GRIN2A: variants seen among roughly 807,000 people sequenced by gnomAD.
GRIN2A encodes glutamate receptor ionotropic, NMDA 2A.
A neutral mutation model predicts 113.4 loss-of-function variants in GRIN2A; 22 were observed. That is an observed-to-expected ratio of 0.19 (90% CI 0.14 to 0.28). The LOEUF (loss-of-function observed/expected upper bound fraction) is 0.28, where lower values mean the gene tolerates loss of function less well. GRIN2A is among the 10% of genes least tolerant of loss of function. GRIN2A has a pLI of 1.00. For synonymous variants in GRIN2A, 827 were observed against 738.4 expected, an observed-to-expected ratio of 1.12 and a Z score of -1.94; for missense variants, 1,502 against 1,887.0, an observed-to-expected ratio of 0.80 and a Z score of 3.78.
chr16:9,988,137 T>C lies in GRIN2A; in HGVS notation c.415-49586A>G, dbSNP rs532498012. Among the ~76,000 whole-genome samples the C allele has an allele frequency of 3.3e-5, 5 of 152,164 alleles. No homozygotes were observed. In the South Asian group the frequency reaches 1.0e-3, roughly 32 times the overall value. On this transcript the variant is annotated intron_variant, in intron 2 of 12. Coordinates refer to ENST00000330684, the MANE Select transcript of GRIN2A (RefSeq NM_001134407.3). ...TTAGACGCAATAGAAGAATACCAGA[T>C]CTCAAGAGAAGTAGGAGCCTGCATC...
intron 2 of GRIN2A, among the ~76,000 whole-genome samples, chr16:10,027,017 T>C (rs2046835112): frequency 6.6e-6 from 1 of 152,200 alleles, no homozygotes; most frequent in African/African-American, 2.4e-5. Flanking sequence ...TGCCTTTCCC[T>C]AATCCACTTT....
At chr16:9,807,911 G>GAAGT (rs781441805) in intron 10 of GRIN2A, among the ~76,000 whole-genome samples, 4 of 152,214 alleles carry the variant, frequency 2.6e-5, no homozygotes, top group Non-Finnish European at 5.9e-5. Context: ...CTGGTTGAAT[G>GAAGT]AAGTCCCAGC....
intron 2 of GRIN2A, among the ~76,000 whole-genome samples, chr16:9,963,779 T>C (rs962657310): frequency 3.9e-5 from 6 of 152,182 alleles, no homozygotes; most frequent in Admixed American, 6.5e-5. Context: ...TCAACAGATA[T>C]TTACTATATA....
At chr16:9,818,215 C>A (rs1029272195) in intron 10 of GRIN2A, among the ~76,000 whole-genome samples, 1 of 151,860 alleles carries the variant, frequency 6.6e-6, no homozygotes, top group Non-Finnish European at 1.5e-5. Context: ...GTTGAGAAGA[C>A]ACAATCAACA....
chr16:10,182,363 C>T lies in GRIN2A; in HGVS notation c.-505G>A, dbSNP rs931843082. On this transcript the variant is annotated 5_prime_UTR_variant, in exon 1 of 13. Transcript: ENST00000330684. Reference sequence around the variant, plus strand: ...CCACCCGCACCCCCTACCACCTCCCCAGCGCCGGCTGCTGGGAGTTGTGCG... The same window carrying T: ...CCACCCGCACCCCCTACCACCTCCCTAGCGCCGGCTGCTGGGAGTTGTGCG... 6.6e-6 allele frequency: 1 copy of T among 152,344 alleles called. No homozygotes were observed. The highest frequency in any genetic ancestry group is 2.4e-5 in the African/African-American group (1 of 41,458). The allele number at this position is 152,344 out of a possible 1,614,324, so 9.4% of individuals were successfully genotyped here.
At chr16:10,144,739 G>A (rs1470104493) in intron 2 of GRIN2A, among the ~76,000 whole-genome samples, 1 of 151,944 alleles carries the variant, frequency 6.6e-6, no homozygotes, top group Admixed American at 6.6e-5. Context: ...TGGCCAACAT[G>A]GTGAAACCTG....
intron 2 of GRIN2A, among the ~76,000 whole-genome samples, chr16:10,140,621 G>A (rs768922016): frequency 6.6e-6 from 1 of 152,128 alleles, no homozygotes; most frequent in African/African-American, 2.4e-5. Context: ...TAGCTCAAGT[G>A]GGGCAACTTC....
intron 2 of GRIN2A, among the ~76,000 whole-genome samples, chr16:9,985,959 T>C (rs1240470504): frequency 2.0e-5 from 3 of 152,168 alleles, no homozygotes; most frequent in Non-Finnish European, 4.4e-5. Flanking sequence ...ACCCCAGAAA[T>C]ACATATGCCT....
intron 9 of GRIN2A, among the ~76,000 whole-genome samples, chr16:9,827,424 G>C (rs907181630): frequency 2.6e-5 from 4 of 152,210 alleles, no homozygotes; most frequent in Admixed American, 2.0e-4. Context: ...AGTTAGGAAA[G>C]ACTGGAGAAG....
At chr16:9,846,841 G>A (rs1008467749) in intron 5 of GRIN2A, among the ~76,000 whole-genome samples, 1 of 152,176 alleles carries the variant, frequency 6.6e-6, no homozygotes, top group African/African-American at 2.4e-5. Context: ...CCAACAGCAG[G>A]CCTTTTTCTT....
intron 11 of GRIN2A, among the ~76,000 whole-genome samples, chr16:9,774,713 G>C (rs1316748327): frequency 1.3e-5 from 2 of 152,222 alleles, no homozygotes; most frequent in Non-Finnish European, 2.9e-5. Context: ...GAGCAAATGG[G>C]AGTACATCAG....
chr16:10,093,749 A>G (rs2048230708), intron 2 of GRIN2A, among the ~76,000 whole-genome samples: 3 of 152,334 alleles, frequency 2.0e-5, no homozygotes, highest in South Asian at 2.1e-4. Flanking sequence ...ACCAGGATAC[A>G]GTTCCTCACC....
At chr16:9,809,770 T>G (rs983318661) in intron 10 of GRIN2A, among the ~76,000 whole-genome samples, 4 of 151,966 alleles carry the variant, frequency 2.6e-5, no homozygotes, top group Non-Finnish European at 5.9e-5. Context: ...GGTAATACAC[T>G]CATAAAAGCT....
chr16:9,992,167 G>A (rs2046127865), intron 2 of GRIN2A, among the ~76,000 whole-genome samples: 1 of 152,186 alleles, frequency 6.6e-6, no homozygotes, highest in Non-Finnish European at 1.5e-5. Context: ...TCCATGGTAT[G>A]TTTATATCAT....
chr16:9,885,022 C>G (rs902132279), intron 4 of GRIN2A, among the ~76,000 whole-genome samples: 1 of 152,074 alleles, frequency 6.6e-6, no homozygotes, highest in African/African-American at 2.4e-5. Flanking sequence ...CAGGTGTGAG[C>G]CACCGTGCCC....
intron 2 of GRIN2A, among the ~76,000 whole-genome samples, chr16:10,131,988 A>T (rs957678240): frequency 1.3e-5 from 2 of 151,932 alleles, no homozygotes; most frequent in Non-Finnish European, 2.9e-5. Flanking sequence ...CCATATCCCT[A>T]AAAAAAAGTA....
At chr16:9,856,903 C>T (rs780007369) in intron 4 of GRIN2A, among the ~76,000 whole-genome samples, 11 of 151,970 alleles carry the variant, frequency 7.2e-5, no homozygotes, top group Non-Finnish European at 1.5e-4. Context: ...AAAAGACTAA[C>T]TTTACAATGC....
intron 2 of GRIN2A, among the ~76,000 whole-genome samples, chr16:9,978,839 G>T (rs2045827761): frequency 1.3e-5 from 2 of 152,208 alleles, no homozygotes; most frequent in African/African-American, 2.4e-5. Context: ...CGTGGCACGG[G>T]CTTCTCGTCT....
intron 2 of GRIN2A, among the ~76,000 whole-genome samples, chr16:10,015,907 A>G (rs1158109583): frequency 1.3e-5 from 2 of 151,930 alleles, no homozygotes; most frequent in Non-Finnish European, 2.9e-5. Context: ...AGGTGGGAGG[A>G]TCACCTGAGG....
Sources: gnomAD v4.1 joint callset for allele counts (sites outside exome capture counted in the v4.1 genomes callset) on GRCh38, gnomAD v4.1.1 for gene constraint, MANE v1.5 for transcripts, NCBI Gene and HGNC (gene_info 2026-07-23, HGNC 2026-07-21) for gene names.